Variants in MIR2052HG observed in about 807,000 individuals in gnomAD.
MIR2052HG encodes MIR2052 host gene.
At chr8:74,659,244 CA>C (rs1384325418) in intron 2 of MIR2052HG, among the ~76,000 whole-genome samples, 1 of 152,112 alleles carries the variant, frequency 6.6e-6, no homozygotes, top group Non-Finnish European at 1.5e-5. Context: ...ATAATTTTTA[CA>C]AAACAGCACT....
rs145127984 is a variant in MIR2052HG at position 74,603,875 on chromosome 8, G to T, written n.128+3967G>T. ...TAGACCTGAGCCCCTGTACTCTCTC[G>T]TATTTCCTTGATCTTGCAACCACCT... is the stretch of plus-strand genomic sequence containing the variant. On this transcript the variant is annotated intron_variant and non_coding_transcript_variant, in intron 1 of 6. Coordinates refer to ENST00000523442, the Ensembl canonical transcript of MIR2052HG. The T allele has an allele frequency of 2.1e-3, 2,214 of 1,055,772 alleles. 25 individuals are homozygous for T. The highest frequency in any genetic ancestry group is 0.016 in the African/African-American group (1,022 of 64,466). The allele number at this position is 1,055,772 out of a possible 1,614,324, so 65.4% of individuals were successfully genotyped here.
At chr8:74,661,200 C>CTTT (rs552416471) in intron 2 of MIR2052HG, among the ~76,000 whole-genome samples, 8 of 127,446 alleles carry the variant, frequency 6.3e-5, no homozygotes, top group African/African-American at 1.7e-4. Flanking sequence ...AGCTTAGGTC[C>CTTT]TTTTTTTTTT....
At chr8:74,702,393 T>C (rs774897586) in exon 3 of MIR2052HG, 1 of 454,588 alleles carries the variant, frequency 2.2e-6, no homozygotes, top group Non-Finnish European at 4.4e-6. Flanking sequence ...AGCTATGCCA[T>C]CTTTTATGTC....
At chr8:74,698,412 T>C (rs1245234529) in intron 2 of MIR2052HG, among the ~76,000 whole-genome samples, 2 of 152,116 alleles carry the variant, frequency 1.3e-5, no homozygotes, top group African/African-American at 2.4e-5. Flanking sequence ...TTCTAGAAGA[T>C]AACATTGGAA....
intron 2 of MIR2052HG, among the ~76,000 whole-genome samples, chr8:74,638,871 T>C (rs1808610032): frequency 6.6e-6 from 1 of 152,106 alleles, no homozygotes; most frequent in Non-Finnish European, 1.5e-5. Flanking sequence ...GCCATGGAAA[T>C]ATATGTGATT....
intron 1 of MIR2052HG, among the ~76,000 whole-genome samples, chr8:74,600,298 G>T (rs1807975677): frequency 1.3e-5 from 2 of 150,574 alleles, no homozygotes; most frequent in African/African-American, 2.4e-5. Flanking sequence ...TTGAGATGGA[G>T]TTTCAGGTGG....
At chr8:74,691,009 G>A (rs1271522403) in intron 2 of MIR2052HG, among the ~76,000 whole-genome samples, 1 of 152,176 alleles carries the variant, frequency 6.6e-6, no homozygotes, top group Non-Finnish European at 1.5e-5. Flanking sequence ...ACTTTACTAA[G>A]TATTATTGGG....
At chr8:74,709,285 C>T (rs753440279) in intron 4 of MIR2052HG, among the ~76,000 whole-genome samples, 1 of 152,024 alleles carries the variant, frequency 6.6e-6, no homozygotes, top group Admixed American at 6.6e-5. Flanking sequence ...GAAGTAAACT[C>T]CAGATGTGTT....
intron 1 of MIR2052HG, chr8:74,612,721 G>T: frequency 2.9e-6 from 1 of 350,038 alleles, no homozygotes; most frequent in Middle Eastern, 9.6e-4. Context: ...AGTCTTAAAA[G>T]TCATTTTATG....
At chr8:74,715,461 C>T (rs1809510844) in intron 4 of MIR2052HG, among the ~76,000 whole-genome samples, 1 of 152,158 alleles carries the variant, frequency 6.6e-6, no homozygotes, top group Non-Finnish European at 1.5e-5. Context: ...AGATATAAAC[C>T]TTTATGTTGC....
intron 4 of MIR2052HG, among the ~76,000 whole-genome samples, chr8:74,706,949 C>T (rs1022001952): frequency 2.0e-5 from 3 of 152,002 alleles, no homozygotes; most frequent in Non-Finnish European, 2.9e-5. Flanking sequence ...AGGTCAAATG[C>T]ACTTTTCTAA....
intron 2 of MIR2052HG, among the ~76,000 whole-genome samples, chr8:74,634,654 ATGAG>A (rs1178356901): frequency 6.6e-6 from 1 of 152,154 alleles, no homozygotes; most frequent in East Asian, 1.9e-4. Context: ...TTTTGTTACC[ATGAG>A]TGAGTAAAGA....
chr8:74,630,101 G>A (rs1808488079), intron 2 of MIR2052HG, among the ~76,000 whole-genome samples: 1 of 152,160 alleles, frequency 6.6e-6, no homozygotes, highest in Admixed American at 6.5e-5. Flanking sequence ...GGAAGTTCAG[G>A]TCTGTTCAGA....
At chr8:74,713,165 A>G (rs1008582617) in intron 4 of MIR2052HG, among the ~76,000 whole-genome samples, 5 of 152,202 alleles carry the variant, frequency 3.3e-5, no homozygotes, top group Admixed American at 2.0e-4. Flanking sequence ...AGTCCTGTGC[A>G]TGTGTTAATA....
chr8:74,740,420 C>T (rs765318090), intron 4 of MIR2052HG, among the ~76,000 whole-genome samples: 1 of 152,010 alleles, frequency 6.6e-6, no homozygotes, highest in Non-Finnish European at 1.5e-5. Context: ...GCTGAGATGG[C>T]GCCACTTCAC....
At chr8:74,736,751 C>A (rs531893319) in intron 4 of MIR2052HG, among the ~76,000 whole-genome samples, 1 of 152,316 alleles carries the variant, frequency 6.6e-6, no homozygotes, top group African/African-American at 2.4e-5. Flanking sequence ...TTGGAAACCA[C>A]TTTGCTCTCT....
At chr8:74,706,143 G>A (rs750224288) in intron 4 of MIR2052HG, among the ~76,000 whole-genome samples, 2 of 152,108 alleles carry the variant, frequency 1.3e-5, no homozygotes, top group Non-Finnish European at 2.9e-5. Flanking sequence ...CAGAGCCAGG[G>A]CAGGATCCAG....
At chr8:74,739,730 A>G (rs1809806640) in intron 4 of MIR2052HG, among the ~76,000 whole-genome samples, 1 of 152,170 alleles carries the variant, frequency 6.6e-6, no homozygotes, top group South Asian at 2.1e-4. Context: ...ATAAAACTAT[A>G]TTTTCAGATA....
chr8:74,735,609 G>T (rs1809737858), intron 4 of MIR2052HG, among the ~76,000 whole-genome samples: 1 of 152,168 alleles, frequency 6.6e-6, no homozygotes, highest in South Asian at 2.1e-4. Flanking sequence ...GAACCCAATG[G>T]TGAAGTTTGA....
Sources: allele counts gnomAD v4.1 joint callset (sites outside exome capture counted in the v4.1 genomes callset), GRCh38; gene constraint gnomAD v4.1.1; transcripts MANE v1.5; gene names NCBI Gene and HGNC (gene_info 2026-07-23, HGNC 2026-07-21).